NSD3: variants seen among roughly 807,000 people sequenced by gnomAD.
NSD3 encodes the protein nuclear receptor binding SET domain protein 3, also known as histone-lysine N-methyltransferase NSD3.
A neutral mutation model predicts 160.8 loss-of-function variants in NSD3; 24 were observed. The ratio of observed to expected loss-of-function variants is 0.15; its 90% CI spans 0.11 to 0.21. The LOEUF (loss-of-function observed/expected upper bound fraction) is 0.21. NSD3 is among the 10% of genes least tolerant of loss of function. NSD3 has a pLI of 1.00. For synonymous variants in NSD3, 520 were observed against 600.0 expected (o/e 0.87, Z 1.95); for missense variants, 1,157 against 1,735.9 (o/e 0.67, Z 5.93).
chr8:38,337,515 C>G (rs1413888151), intron 3 of NSD3, 48 bp from the exon 4 acceptor site: 2 of 1,480,776 alleles, frequency 1.4e-6, no homozygotes, highest in Admixed American at 5.1e-5. Flanking sequence ...AAAAAAGAAA[C>G]TATGTATAAA....
In NSD3 at chr8:38,348,104, A is replaced by G. The variant is rs1810580360; in HGVS notation, c.68T>C (p.Ile23Thr). The part of the protein sequence containing the change: ...GNTIQQPPQL[I>T]DSANIRQEDA... Reference sequence around the variant, plus strand: ...CTCCTGACGGATGTTGGCGGAGTCAATGAGTTGAGGTGGTTGCTGAATTGT... The same window carrying G: ...CTCCTGACGGATGTTGGCGGAGTCAGTGAGTTGAGGTGGTTGCTGAATTGT... Residue 23 changes from isoleucine (I) to threonine (T), a missense_variant, in exon 2 of 24, where the codon ATT (isoleucine) becomes ACT (threonine). Ile to Thr is a moderately conservative substitution (Grantham distance 89). Around this residue, in one of 10 missense-constraint regions of NSD3, gnomAD observed 121 missense variants for 177.2 expected, o/e 0.68. Transcript: ENST00000317025. 2 of 1,613,688 alleles carry G rather than the reference A, an allele frequency of 1.2e-6. No individual in the cohort carries two copies. Among genetic ancestry groups the G allele is most frequent in the African/African-American group, 1.3e-5 (1 of 74,928 alleles).
At position 38,293,697 on chromosome 8, in the gene NSD3, C is replaced by T. The variant is rs983895659; in HGVS notation, c.2915+2099G>A. ...CAGCACTTTGGGAGGCCGAGGCGGG[C>T]GGATCAGCTGAGGTCAGGAGTTCGA... On this transcript the variant is annotated intron_variant, in intron 16 of 23. Transcript: ENST00000317025. Among the ~76,000 whole-genome samples the T allele has an allele frequency of 5.9e-5, 9 of 151,300 alleles. No homozygotes were observed. The East Asian group carries it at 9.8e-4, about 16-fold the overall frequency.
chr8:38,319,276 T>C lies in NSD3; in HGVS notation c.1810-336A>G. 1 of 213,310 alleles carries C rather than the reference T, an allele frequency of 4.7e-6. No individual in the cohort carries two copies. Among genetic ancestry groups the C allele is most frequent in the Admixed American group, 5.9e-5 (1 of 17,062 alleles). The allele number at this position is 213,310 out of a possible 1,614,324, so 13.2% of individuals were successfully genotyped here. Reference sequence around the variant, plus strand: ...GGGTTGTTTCTGCAACCGGCCCCAATGTTGCTAAAAACCCCTCCCGCCCCA... The same window carrying C: ...GGGTTGTTTCTGCAACCGGCCCCAACGTTGCTAAAAACCCCTCCCGCCCCA... On this transcript the variant is annotated intron_variant, in intron 8 of 23. Transcript: ENST00000317025. The surrounding 1 kb of genome is among the most constrained non-coding windows in gnomAD (Gnocchi z 4.1).
In NSD3 at chr8:38,376,207, A is replaced by T. The variant is rs574300016; in HGVS notation, c.-45+5592T>A. On this transcript the variant is annotated intron_variant, in intron 1 of 23. Coordinates refer to ENST00000317025, the MANE Select transcript of NSD3 (RefSeq NM_023034.2). Reference sequence around the variant, plus strand: ...TTCAAACAAGAAAAAGTCCACTAAAATCCACTTCATACAAAAACACACACC... The same window carrying T: ...TTCAAACAAGAAAAAGTCCACTAAATTCCACTTCATACAAAAACACACACC... Among the ~76,000 whole-genome samples, 58 of 152,272 alleles carry T rather than the reference A, an allele frequency of 3.8e-4. 2 individuals carry two copies. In the South Asian group the frequency reaches 6.6e-3, roughly 17 times the overall value.
Position 38,278,264 on chromosome 8 carries a change from C to T in NSD3, c.3867+42G>A, listed in dbSNP as rs150359693. 4.4e-6 allele frequency: 7 copies of T among 1,582,628 alleles called. No homozygotes were observed. The African/African-American group carries it at 9.4e-5, about 21-fold the overall frequency. On this transcript the variant is annotated intron_variant, in intron 22 of 23. Coordinates refer to ENST00000317025, the MANE Select transcript of NSD3 (RefSeq NM_023034.2). ...AACAGACTTCTTAACAGCCCTACTC[C>T]TTATCGCCTGTTGACTGGGGGCGCT...
intron 1 of NSD3, among the ~76,000 whole-genome samples, chr8:38,349,181 G>C (rs561191000): frequency 6.6e-6 from 1 of 152,086 alleles, no homozygotes; most frequent in Admixed American, 6.5e-5. Context: ...AGCATGTATA[G>C]ACAATTTTCA....
Position 38,317,092 on chromosome 8 carries a change from T to C in NSD3, c.1856-1050A>G, listed in dbSNP as rs1269165414. On this transcript the variant is annotated intron_variant, in intron 9 of 23. Coordinates refer to ENST00000317025, the MANE Select transcript of NSD3 (RefSeq NM_023034.2). This position sits in a 1 kb window ranked among gnomAD's most constrained non-coding sequence, Gnocchi z 5.3. The stretch of plus-strand genomic sequence containing the variant: ...GAAGTGTGCAGTCCAGAAGAGCCCA[T>C]GGAGAAACAAGTCTCCTGAGGCCAT... 3.8e-6 allele frequency: 4 copies of C among 1,061,520 alleles called. No individual in the cohort carries two copies. Among genetic ancestry groups the C allele is most frequent in the African/African-American group, 1.6e-5 (1 of 60,828 alleles). 65.8% of individuals were successfully genotyped at this position (1,061,520 alleles called of 1,614,324 possible).
chr8:38,351,466 C>A (rs2150385895), intron 1 of NSD3, among the ~76,000 whole-genome samples: 1 of 151,084 alleles, frequency 6.6e-6, no homozygotes, highest in African/African-American at 2.4e-5. Context: ...AGTTTGAGAC[C>A]AGCCTGGCCA....
In NSD3 at chr8:38,315,552, G is replaced by GA. The variant is rs750948226; in HGVS notation, c.1987-9dup. 5.0e-6 allele frequency: 8 copies of GA among 1,612,130 alleles called. No homozygotes were observed. The highest frequency in any genetic ancestry group is 3.3e-5 in the Admixed American group (2 of 59,798). ...TTGCTTTCCAAAGCCTACCTACATA[G>GA]AAAACATAGCATTTTTAAGAAAAAC... On this transcript the variant is annotated splice_polypyrimidine_tract_variant and intron_variant, in intron 10 of 23. Coordinates refer to ENST00000317025, the MANE Select transcript of NSD3 (RefSeq NM_023034.2).
intron 1 of NSD3, among the ~76,000 whole-genome samples, chr8:38,375,106 C>CTCA (rs1452456588): frequency 1.3e-5 from 2 of 152,126 alleles, no homozygotes; most frequent in Admixed American, 1.3e-4. Context: ...TACCAAACAC[C>CTCA]TCAGAAGATG....
chr8:38,334,981 A>ATTTTTTT lies in NSD3; in HGVS notation c.910+2317_910+2323dup, dbSNP rs1166396294. 3.8e-5 allele frequency among the ~76,000 whole-genome samples: 5 copies of ATTTTTTT among 132,886 alleles called. No individual in the cohort carries two copies. In the South Asian group the frequency reaches 9.8e-4, roughly 26 times the overall value. 87.2% of individuals were successfully genotyped at this position (132,886 alleles called of 152,430 possible). A position where few individuals can be genotyped will look rare whatever the true frequency, so the allele number is the denominator to read the frequency against. ...AACTGCCTGGGGGTACCAGGCTAGA[A>ATTTTTTT]TTTTTTTTTTTTTTTTTTTTTGAGA... On this transcript the variant is annotated intron_variant, in intron 4 of 23. Transcript: ENST00000317025.
chr8:38,278,514 A>C, intron 21 of NSD3, 102 bp from the exon 22 acceptor site: 1 of 1,012,002 alleles, frequency 9.9e-7, no homozygotes, highest in Non-Finnish European at 1.4e-6. Context: ...TCATTTTGGC[A>C]TGAAGGCGTT....
intron 14 of NSD3, among the ~76,000 whole-genome samples, chr8:38,301,078 T>C (rs1394122995): frequency 6.6e-6 from 1 of 152,166 alleles, no homozygotes; most frequent in Non-Finnish European, 1.5e-5. Context: ...CGAGTGATCC[T>C]ACCACCTCAA....
chr8:38,296,857 G>A (rs1055287870), intron 15 of NSD3, among the ~76,000 whole-genome samples: 5 of 152,014 alleles, frequency 3.3e-5, no homozygotes, highest in African/African-American at 1.2e-4. Context: ...GATTACAGGC[G>A]TGAGCCACCA....
chr8:38,278,628 A>C (rs1808667666), intron 21 of NSD3, among the ~76,000 whole-genome samples: 1 of 152,222 alleles, frequency 6.6e-6, no homozygotes, highest in Non-Finnish European at 1.5e-5. Flanking sequence ...ACACATCCTC[A>C]AAAGAAGTCA....
intron 8 of NSD3, chr8:38,320,669 ATT>A (rs1809778070): frequency 6.5e-6 from 1 of 153,158 alleles, no homozygotes; most frequent in Admixed American, 6.5e-5. Flanking sequence ...AATTAAATTG[ATT>A]TGTTTAAAAA....
At position 38,271,993 on chromosome 8, in the gene NSD3, G is replaced by C. The variant is rs887462534; in HGVS notation, c.*3648C>G. On this transcript the variant is annotated 3_prime_UTR_variant, in exon 24 of 24. Transcript: ENST00000317025. ...TGGCCTGTTTGCAAACAGTAGGTCT[G>C]GGTTTGACCTATTGGAATACACCAT... The C allele has an allele frequency of 6.6e-6, 1 of 152,196 alleles. No homozygotes were observed. Among genetic ancestry groups the C allele is most frequent in the Non-Finnish European group, 1.5e-5 (1 of 68,044 alleles). The allele number at this position is 152,196 out of a possible 1,614,324, so 9.4% of individuals were successfully genotyped here.
chr8:38,295,644 C>A, intron 16 of NSD3, 152 bp downstream of exon 16: 2 of 706,250 alleles, frequency 2.8e-6, no homozygotes, highest in Non-Finnish European at 4.5e-6. Flanking sequence ...CCTTAAGAAC[C>A]CAGCCTCAAA....
At chr8:38,367,523 C>T (rs1259668147) in intron 1 of NSD3, among the ~76,000 whole-genome samples, 4 of 152,034 alleles carry the variant, frequency 2.6e-5, no homozygotes, top group South Asian at 4.1e-4. Flanking sequence ...ACAAGCCTGG[C>T]CAACATGGTG....
Sources: gnomAD v4.1 joint callset for allele counts (sites outside exome capture counted in the v4.1 genomes callset) on GRCh38, gnomAD v4.1.1 for gene constraint, gnomAD v4.1.1 regional missense constraint, Gnocchi (gnomAD v3.1) non-coding constraint, MANE v1.5 for transcripts, NCBI Gene and HGNC (gene_info 2026-07-23, HGNC 2026-07-21) for gene names.